The following TMEM108 variants were observed in gnomAD, a reference collection of about 807,000 sequenced individuals.
TMEM108 encodes the protein cancer/testis antigen 124.
Under a neutral mutation model 35.1 loss-of-function variants are expected in TMEM108, and 12 were observed. The observed-to-expected ratio is 0.34, with a 90% CI of 0.22 to 0.55. TMEM108 has a LOEUF of 0.55. Among genes scored for constraint, TMEM108 ranks in the 20% least tolerant of loss-of-function variants. TMEM108 has a pLI of 0.89. For missense variants in TMEM108, 680 were observed against 753.3 expected (o/e 0.90, Z 1.14); for synonymous variants, 287 against 308.6 (o/e 0.93, Z 0.73).
intron 3 of TMEM108, among the ~76,000 whole-genome samples, chr3:133,241,337 C>T (rs1047763649): frequency 2.0e-5 from 3 of 152,224 alleles, no homozygotes; most frequent in Non-Finnish European, 4.4e-5. Context: ...CATCCATTTC[C>T]GTTCCCTTCC....
intron 2 of TMEM108, among the ~76,000 whole-genome samples, chr3:133,077,905 G>A (rs1943760979): frequency 6.6e-6 from 1 of 152,182 alleles, no homozygotes; most frequent in South Asian, 2.1e-4. Flanking sequence ...TGAGGAAACA[G>A]GCAGAGTGTG....
intron 2 of TMEM108, among the ~76,000 whole-genome samples, chr3:133,185,842 A>C (rs989312008): frequency 6.8e-6 from 1 of 147,360 alleles, no homozygotes; most frequent in African/African-American, 2.5e-5. Context: ...AACTCAGCTC[A>C]CTGCAACCTC....
intron 2 of TMEM108, among the ~76,000 whole-genome samples, chr3:133,179,944 AAG>A (rs2107801777): frequency 6.6e-6 from 1 of 152,238 alleles, no homozygotes; most frequent in South Asian, 2.1e-4. Flanking sequence ...GCCTCAATAT[AAG>A]AAGCAGCTTT....
chr3:133,311,966 G>A (rs571554217), intron 3 of TMEM108, among the ~76,000 whole-genome samples: 2 of 152,194 alleles, frequency 1.3e-5, no homozygotes, highest in African/African-American at 4.8e-5. Flanking sequence ...TAACAGTCAG[G>A]TCTCTCAGCT....
intron 2 of TMEM108, among the ~76,000 whole-genome samples, chr3:133,171,414 T>G (rs1945129313): frequency 6.6e-6 from 1 of 152,214 alleles, no homozygotes; most frequent in South Asian, 2.1e-4. Flanking sequence ...TCTTGCTCTG[T>G]CACCTATGCT....
intron 3 of TMEM108, among the ~76,000 whole-genome samples, chr3:133,276,160 T>A (rs1439051178): frequency 6.6e-6 from 1 of 152,208 alleles, no homozygotes; most frequent in African/African-American, 2.4e-5. Context: ...ACATTTTAAG[T>A]GTAAACATGT....
intron 2 of TMEM108, among the ~76,000 whole-genome samples, chr3:133,094,250 G>A (rs902124551): frequency 1.6e-5 from 1 of 62,082 alleles, no homozygotes; most frequent in African/African-American, 5.6e-5. Flanking sequence ...CCACACACAC[G>A]AGATGCTGCT....
chr3:133,106,065 A>G (rs906355326), intron 2 of TMEM108, among the ~76,000 whole-genome samples: 1 of 151,932 alleles, frequency 6.6e-6, no homozygotes. Context: ...GGTGAATGTC[A>G]TTTAAATACA....
At chr3:133,209,494 T>C (rs1427001897) in intron 2 of TMEM108, among the ~76,000 whole-genome samples, 1 of 151,818 alleles carries the variant, frequency 6.6e-6, no homozygotes, top group African/African-American at 2.4e-5. Flanking sequence ...ATGGGGAGCA[T>C]GTCTCATTTG....
In TMEM108 at chr3:133,381,078, C is replaced by T. The variant is rs768000315; in HGVS notation, c.1367C>T (p.Pro456Leu). Residue 456 changes from proline to leucine, a missense_variant, in exon 4 of 6, where the codon CCG (proline) becomes CTG (leucine). Pro to Leu is a moderately conservative substitution (Grantham distance 98). Transcript: ENST00000321871. ...NISHVAEGDK[P>L]QHRATICLSK... The stretch of plus-strand genomic sequence containing the variant: ...TCCCATGTGGCCGAGGGGGACAAAC[C>T]GCAGCACAGAGCCACCATCTGCCTG... 32 of 1,614,142 alleles carry T rather than the reference C, an allele frequency of 2.0e-5. No homozygotes were observed. Among genetic ancestry groups the T allele is most frequent in the Admixed American group, 5.0e-5 (3 of 60,020 alleles).
intron 2 of TMEM108, among the ~76,000 whole-genome samples, chr3:133,133,670 CTTTTTTTTTCCTT>C (rs1944522721): frequency 6.9e-6 from 1 of 144,876 alleles, no homozygotes; most frequent in South Asian, 2.3e-4. Flanking sequence ...GCAGAGTTTT[CTTTTTTTTTCCTT>C]TTTTTTTCTT....
chr3:133,191,057 C>G (rs1945491056), intron 2 of TMEM108, among the ~76,000 whole-genome samples: 1 of 151,798 alleles, frequency 6.6e-6, no homozygotes, highest in African/African-American at 2.4e-5. Flanking sequence ...CATTTTTATT[C>G]TTAATGATTA....
chr3:133,220,000 A>G (rs769163784), intron 2 of TMEM108, among the ~76,000 whole-genome samples: 2 of 151,122 alleles, frequency 1.3e-5, no homozygotes, highest in Non-Finnish European at 2.9e-5. Context: ...CCAATGTTGG[A>G]TGCATATGTA....
intron 2 of TMEM108, among the ~76,000 whole-genome samples, chr3:133,089,991 C>G (rs1468500228): frequency 6.6e-6 from 1 of 152,168 alleles, no homozygotes; most frequent in Admixed American, 6.6e-5. Flanking sequence ...CTTACTCTGT[C>G]AGCCCTGTGG....
intron 2 of TMEM108, among the ~76,000 whole-genome samples, chr3:133,226,424 T>G (rs189128594): frequency 1.3e-5 from 2 of 152,226 alleles, no homozygotes; most frequent in Non-Finnish European, 2.9e-5. Context: ...GGTAAAATAC[T>G]TTGATATTTT....
intron 3 of TMEM108, among the ~76,000 whole-genome samples, chr3:133,359,799 A>G (rs548426731): frequency 1.3e-5 from 2 of 152,334 alleles, no homozygotes; most frequent in South Asian, 2.1e-4. Context: ...CAAGTTCAAT[A>G]GACACTTACC....
intron 2 of TMEM108, among the ~76,000 whole-genome samples, chr3:133,073,510 C>CTATATATATCTATA (rs1943703064): frequency 2.3e-5 from 1 of 43,920 alleles, no homozygotes; most frequent in Non-Finnish European, 3.9e-5. Flanking sequence ...CTCTCTCTCT[C>CTATATATATCTATA]TATATATATA....
chr3:133,042,069 G>A lies in TMEM108; in HGVS notation c.-166+3634G>A, dbSNP rs528954937. On this transcript the variant is annotated intron_variant, in intron 1 of 5. Transcript: ENST00000321871. ...TTAGCAGCCCCAAACTTGTGCTTTG[G>A]TTTTAATGATGTTATTAGTCAGGGT... Among the ~76,000 whole-genome samples the A allele has an allele frequency of 5.3e-5, 8 of 152,274 alleles. No homozygotes were observed. In the East Asian group the frequency reaches 1.3e-3, roughly 26 times the overall value.
chr3:133,275,221 T>C (rs74367883), intron 3 of TMEM108, among the ~76,000 whole-genome samples: 2,528 of 152,266 alleles, frequency 0.017, 89 homozygotes, highest in African/African-American at 0.058. Flanking sequence ...AGTTTTTTCC[T>C]TAGATACTCT....
Sources: gnomAD v4.1 joint callset for allele counts (sites outside exome capture counted in the v4.1 genomes callset) on GRCh38, gnomAD v4.1.1 for gene constraint, MANE v1.5 for transcripts, NCBI Gene and HGNC (gene_info 2026-07-23, HGNC 2026-07-21) for gene names.